The following ARID4B variants were observed in gnomAD, a reference collection of about 807,000 sequenced individuals.
ARID4B encodes the protein AT-rich interactive domain-containing protein 4B.
A neutral mutation model predicts 147.5 loss-of-function variants in ARID4B; 26 were observed. The ratio of observed to expected loss-of-function variants is 0.18; its 90% CI spans 0.13 to 0.24. The LOEUF (loss-of-function observed/expected upper bound fraction) is 0.24, where lower values mean the gene tolerates loss of function less well. Among genes scored for constraint, ARID4B ranks in the 10% least tolerant of loss-of-function variants. The pLI, the probability that ARID4B is intolerant of heterozygous loss-of-function variation, is 1.00. For missense variants in ARID4B, 1,179 were observed against 1,511.5 expected (o/e 0.78, Z 3.65); for synonymous variants, 512 against 507.9 (o/e 1.01, Z -0.11).
chr1:235,271,062 A>T (rs1184559601), intron 2 of ARID4B, among the ~76,000 whole-genome samples: 1 of 152,184 alleles, frequency 6.6e-6, no homozygotes, highest in Non-Finnish European at 1.5e-5. Flanking sequence ...ATTTAAAAAA[A>T]AAAATCCTTA....
At chr1:235,315,539 G>C (rs1261726180) in intron 2 of ARID4B, among the ~76,000 whole-genome samples, 1 of 152,164 alleles carries the variant, frequency 6.6e-6, no homozygotes, top group Non-Finnish European at 1.5e-5. Flanking sequence ...TTGATGACAG[G>C]TAAATTTGTA....
At chr1:235,238,861 A>G (rs1238040335) in intron 8 of ARID4B, among the ~76,000 whole-genome samples, 1 of 148,838 alleles carries the variant, frequency 6.7e-6, no homozygotes, top group Non-Finnish European at 1.5e-5. Flanking sequence ...TCTCCGGGGA[A>G]AAAAAAAAAA....
intron 2 of ARID4B, among the ~76,000 whole-genome samples, chr1:235,265,055 C>T (rs1330563310): frequency 3.9e-5 from 5 of 128,818 alleles, no homozygotes; most frequent in Non-Finnish European, 8.0e-5. Flanking sequence ...AGTGAAACTT[C>T]GTCTCAAAAA....
At chr1:235,248,040 A>G (rs1027569583) in intron 6 of ARID4B, among the ~76,000 whole-genome samples, 5 of 152,186 alleles carry the variant, frequency 3.3e-5, no homozygotes, top group African/African-American at 4.8e-5. Context: ...TAAACTCAGT[A>G]TATACCAAAC....
chr1:235,173,254 T>A (rs1663499067), intron 22 of ARID4B, among the ~76,000 whole-genome samples: 1 of 151,972 alleles, frequency 6.6e-6, no homozygotes, highest in Non-Finnish European at 1.5e-5. Flanking sequence ...TGGGGCAGGA[T>A]AATCGCTTGA....
intron 2 of ARID4B, among the ~76,000 whole-genome samples, chr1:235,270,012 G>A (rs528699130): frequency 6.6e-6 from 1 of 151,938 alleles, no homozygotes; most frequent in Admixed American, 6.6e-5. Flanking sequence ...AGCCGGGCGC[G>A]GTGCCTCACG....
intron 9 of ARID4B, among the ~76,000 whole-genome samples, chr1:235,234,098 A>C (rs1345148555): frequency 6.6e-6 from 1 of 152,176 alleles, no homozygotes; most frequent in Non-Finnish European, 1.5e-5. Context: ...AAAAAAATCA[A>C]TAAAGTATTA....
chr1:235,278,633 A>G (rs914265342), intron 2 of ARID4B, among the ~76,000 whole-genome samples: 10 of 152,224 alleles, frequency 6.6e-5, no homozygotes, highest in South Asian at 2.1e-4. Flanking sequence ...TTAAAAACAG[A>G]TAAGAAATAA....
At chr1:235,169,304 G>C (rs1005022800) in intron 23 of ARID4B, among the ~76,000 whole-genome samples, 1 of 151,254 alleles carries the variant, frequency 6.6e-6, no homozygotes, top group Non-Finnish European at 1.5e-5. Flanking sequence ...GCAGTGGCTC[G>C]ATCTTGGCTC....
intron 17 of ARID4B, among the ~76,000 whole-genome samples, chr1:235,204,308 C>T (rs182188252): frequency 5.7e-4 from 86 of 152,164 alleles, no homozygotes; most frequent in Non-Finnish European, 6.3e-4. Flanking sequence ...GGTGACGGAG[C>T]GAAACTCCGC....
intron 2 of ARID4B, among the ~76,000 whole-genome samples, chr1:235,326,181 A>C (rs1675234046): frequency 6.6e-6 from 1 of 152,076 alleles, no homozygotes; most frequent in African/African-American, 2.4e-5. Context: ...TCATATACAT[A>C]TTCTCTCAAG....
At chr1:235,175,444 A>C in intron 21 of ARID4B, 45 bp from the exon 22 acceptor site, 1 of 1,480,022 alleles carries the variant, frequency 6.8e-7, no homozygotes, top group Non-Finnish European at 9.4e-7. Flanking sequence ...TGTAACAATA[A>C]ATTTGTCACA....
Position 235,194,229 on chromosome 1 carries a change from G to C in ARID4B, c.1927-18C>G, listed in dbSNP as rs1665330222. 2 of 1,541,604 alleles carry C rather than the reference G, an allele frequency of 1.3e-6. No individual in the cohort carries two copies. The highest frequency in any genetic ancestry group is 1.4e-5 in the African/African-American group (1 of 72,956). ...AATTTATTCTAGGTTAAGAAAAAAAGTATGTCGTAATTTATCATAAGGCAT... is the reference window on the plus strand; with the variant it reads ...AATTTATTCTAGGTTAAGAAAAAAACTATGTCGTAATTTATCATAAGGCAT... On this transcript the variant is annotated intron_variant, in intron 18 of 23. Coordinates refer to ENST00000264183, the MANE Select transcript of ARID4B (RefSeq NM_016374.6).
intron 17 of ARID4B, among the ~76,000 whole-genome samples, chr1:235,213,349 T>A (rs1252555782): frequency 3.3e-5 from 5 of 152,176 alleles, no homozygotes; most frequent in Admixed American, 3.3e-4. Flanking sequence ...TAGCTAATGT[T>A]TCCTAGGATT....
chr1:235,213,342 CTAA>C (rs1666827194), intron 17 of ARID4B, among the ~76,000 whole-genome samples: 1 of 152,142 alleles, frequency 6.6e-6, no homozygotes, highest in Admixed American at 6.5e-5. Flanking sequence ...CTTAAAATAG[CTAA>C]TGTTTCCTAG....
At chr1:235,254,536 C>A (rs1239443351) in intron 5 of ARID4B, among the ~76,000 whole-genome samples, 3 of 151,692 alleles carry the variant, frequency 2.0e-5, no homozygotes, top group Admixed American at 6.6e-5. Context: ...ATTTATAACA[C>A]TGATGGAAGG....
intron 2 of ARID4B, among the ~76,000 whole-genome samples, chr1:235,285,212 T>C (rs748911826): frequency 3.3e-5 from 5 of 152,136 alleles, no homozygotes; most frequent in Non-Finnish European, 7.4e-5. Flanking sequence ...AGCCCAAAAA[T>C]TCTAAATAAA....
intron 18 of ARID4B, among the ~76,000 whole-genome samples, chr1:235,194,864 A>G (rs1334126179): frequency 1.3e-5 from 2 of 152,168 alleles, no homozygotes; most frequent in Non-Finnish European, 2.9e-5. Flanking sequence ...TGGTCATTTT[A>G]AAATCTCACT....
chr1:235,304,124 C>T lies in ARID4B; in HGVS notation c.6+22790G>A, dbSNP rs989080058. Among the ~76,000 whole-genome samples, 6 of 152,138 alleles carry T rather than the reference C, an allele frequency of 3.9e-5. No individual in the cohort carries two copies. The South Asian group carries it at 8.3e-4, about 21-fold the overall frequency. On this transcript the variant is annotated intron_variant, in intron 2 of 23. Transcript: ENST00000264183. ...ATTATCACAGCACTTTGGAAGGCTGCGGTGGACAGATATCTTGAGTCCAGG... is the reference window on the plus strand; with the variant it reads ...ATTATCACAGCACTTTGGAAGGCTGTGGTGGACAGATATCTTGAGTCCAGG...
Sources: allele counts gnomAD v4.1 joint callset (sites outside exome capture counted in the v4.1 genomes callset), GRCh38; gene constraint gnomAD v4.1.1; transcripts MANE v1.5; gene names NCBI Gene and HGNC (gene_info 2026-07-23, HGNC 2026-07-21).